Variants in CMIP observed in about 807,000 individuals in gnomAD.
The protein encoded by CMIP is c-Maf inducing protein, also known as C-Maf-inducing protein.
CMIP carries 13 observed loss-of-function variants against 97.3 expected under a neutral mutation model. The ratio of observed to expected loss-of-function variants is 0.13; its 90% confidence interval spans 0.09 to 0.21. CMIP has a LOEUF of 0.21. Among genes scored for constraint, CMIP ranks in the 10% least tolerant of loss-of-function variants. CMIP has a pLI of 1.00. For synonymous variants in CMIP, 538 were observed against 436.3 expected, an observed-to-expected ratio of 1.23 and a Z score of -2.91; for missense variants, 847 against 1,024.9, an observed-to-expected ratio of 0.83 and a Z score of 2.37.
chr16:81,626,754 T>G (rs1463644026), intron 3 of CMIP, among the ~76,000 whole-genome samples: 3 of 139,980 alleles, frequency 2.1e-5, no homozygotes, highest in Non-Finnish European at 4.6e-5. Flanking sequence ...GGTGTGGGTG[T>G]GTGTGTGGTG....
intron 1 of CMIP, among the ~76,000 whole-genome samples, chr16:81,559,999 T>A (rs1357582413): frequency 2.0e-5 from 3 of 151,624 alleles, no homozygotes; most frequent in Non-Finnish European, 4.4e-5. Flanking sequence ...AATACAAAAA[T>A]TAGCGGGGCA....
intron 1 of CMIP, among the ~76,000 whole-genome samples, chr16:81,580,057 C>G (rs1260354327): frequency 2.6e-5 from 4 of 152,222 alleles, no homozygotes; most frequent in African/African-American, 9.6e-5. Context: ...ACGGATATTT[C>G]CAGTAGAATG....
In CMIP at chr16:81,627,415, G is replaced by A. The variant is rs1268879995; in HGVS notation, c.477+6489G>A. On this transcript the variant is annotated intron_variant, in intron 3 of 20. Coordinates refer to ENST00000537098, the MANE Select transcript of CMIP (RefSeq NM_198390.3). This position sits in a 1 kb window ranked among gnomAD's most constrained non-coding sequence, Gnocchi z 4.6. Reference sequence around the variant, plus strand: ...AGAAGGGATCCTGGTAGGAGCCCACGCGTGGGAGCCTCTCATGCGCCATCA... The same window carrying A: ...AGAAGGGATCCTGGTAGGAGCCCACACGTGGGAGCCTCTCATGCGCCATCA... Among the ~76,000 whole-genome samples the A allele has an allele frequency of 6.6e-6, 1 of 152,028 alleles. No homozygotes were observed. Among genetic ancestry groups the A allele is most frequent in the South Asian group, 2.1e-4 (1 of 4,832 alleles).
intron 7 of CMIP, among the ~76,000 whole-genome samples, chr16:81,667,799 A>AGAGAGAGAGAGAGAGAGAGAGAGTGTGT: frequency 1.0e-4 from 6 of 58,136 alleles, no homozygotes; most frequent in Non-Finnish European, 1.9e-4. Flanking sequence ...AGAGAGAGAG[A>AGAGAGAGAGAGAGAGAGAGAGAGTGTGT]GTGTGTGTGT....
At chr16:81,478,342 C>A (rs1233011574) in intron 1 of CMIP, among the ~76,000 whole-genome samples, 2 of 152,188 alleles carry the variant, frequency 1.3e-5, no homozygotes, top group Non-Finnish European at 2.9e-5. Flanking sequence ...GCCGACAGTT[C>A]TGCATGGCGC....
chr16:81,600,403 A>C (rs2091639019), intron 1 of CMIP, among the ~76,000 whole-genome samples: 1 of 152,210 alleles, frequency 6.6e-6, no homozygotes, highest in South Asian at 2.1e-4. Context: ...ATGGAATGTC[A>C]GTCAGCCATG....
chr16:81,678,565 G>T lies in CMIP; in HGVS notation c.1325G>T (p.Ser442Ile). The change falls in exon 10 of 21, where the codon AGC (serine) becomes ATC (isoleucine). Residue 442 changes from serine (S) to isoleucine (I), a missense_variant. By Grantham distance (142) the Ser-to-Ile change is moderately radical (BLOSUM62 -2). Transcript: ENST00000537098. ...LMVSPACSTM[S>I]IELGPQADRT... ...GTCAGCCCCGCCTGCAGCACCATGA[G>T]CATCGAGCTGGGCCCCCAGGCCGAC... 1 of 1,608,220 alleles carries T rather than the reference G, an allele frequency of 6.2e-7. No individual in the cohort carries two copies. The highest frequency in any genetic ancestry group is 8.5e-7 in the Non-Finnish European group (1 of 1,178,164).
At chr16:81,639,453 C>A (rs571834140) in intron 3 of CMIP, among the ~76,000 whole-genome samples, 1 of 152,322 alleles carries the variant, frequency 6.6e-6, no homozygotes, top group East Asian at 1.9e-4. Flanking sequence ...TGCTTTCGGT[C>A]TCTAAGAATT....
At chr16:81,517,977 T>G in intron 1 of CMIP, 1 of 934,734 alleles carries the variant, frequency 1.1e-6, no homozygotes, top group South Asian at 4.9e-5. Flanking sequence ...GTGGAATTTT[T>G]TCACAAAGTA....
intron 1 of CMIP, among the ~76,000 whole-genome samples, chr16:81,575,073 C>T (rs947991786): frequency 2.0e-5 from 3 of 152,196 alleles, no homozygotes; most frequent in East Asian, 3.8e-4. Context: ...AGGAGAGTTG[C>T]CTCGTAATAT....
At chr16:81,494,624 C>T (rs1238329601) in intron 1 of CMIP, among the ~76,000 whole-genome samples, 4 of 152,242 alleles carry the variant, frequency 2.6e-5, no homozygotes, top group South Asian at 4.1e-4. Context: ...GGGGGACCCC[C>T]GGGGCCGCCC....
intron 1 of CMIP, among the ~76,000 whole-genome samples, chr16:81,564,520 G>C (rs891611462): frequency 5.9e-5 from 9 of 152,236 alleles, no homozygotes; most frequent in Non-Finnish European, 8.8e-5. Flanking sequence ...GGGGGAAGAA[G>C]GAAAATAAGA....
rs973741587 is a variant in CMIP, at chr16:81,703,823, C to T, written c.1945-116C>T. 1.1e-5 allele frequency: 15 copies of T among 1,384,828 alleles called. No homozygotes were observed. In the African/African-American group the frequency reaches 1.3e-4, roughly 12 times the overall value. The allele number at this position is 1,384,828 out of a possible 1,614,324, so 85.8% of individuals were successfully genotyped here. Reference sequence around the variant, plus strand: ...ATCTCAGCTCCTGGGATTTACCGCCCCCCAGGAACAGCTCTCTGTAGGGCG... The same window carrying T: ...ATCTCAGCTCCTGGGATTTACCGCCTCCCAGGAACAGCTCTCTGTAGGGCG... On this transcript the variant is annotated intron_variant, in intron 17 of 20. Coordinates refer to ENST00000537098, the MANE Select transcript of CMIP (RefSeq NM_198390.3).
chr16:81,596,506 C>CA (rs1164896590), intron 1 of CMIP, among the ~76,000 whole-genome samples: 31,529 of 88,644 alleles, frequency 0.36, 4,608 homozygotes, highest in African/African-American at 0.47. Flanking sequence ...GGCCCTGTCT[C>CA]AAAAAAAAAA....
In CMIP at chr16:81,523,151, C is replaced by G. The variant is rs188424049; in HGVS notation, c.300+77610C>G. On this transcript the variant is annotated intron_variant, in intron 1 of 20. Coordinates refer to ENST00000537098, the MANE Select transcript of CMIP (RefSeq NM_198390.3). Reference sequence around the variant, plus strand: ...CCCAGACTGGCCTCGAATTCCTGGGCTCAAGTGATCCTCCTGCCTTGGCCT... The same window carrying G: ...CCCAGACTGGCCTCGAATTCCTGGGGTCAAGTGATCCTCCTGCCTTGGCCT... 7.9e-5 allele frequency among the ~76,000 whole-genome samples: 12 copies of G among 152,298 alleles called. No homozygotes were observed. The East Asian group carries it at 2.3e-3, about 29-fold the overall frequency.
rs554731836 is a variant in CMIP, at chr16:81,693,387, C to A, written c.1482-52C>A. ...ACCATCCCCTCCCCTTCCCACACCT[C>A]CCACTCAGTTCCAGACCCCGGCAGT... is the stretch of plus-strand genomic sequence containing the variant. On this transcript the variant is annotated intron_variant, in intron 12 of 20. Transcript: ENST00000537098. 3 of 1,589,928 alleles carry A rather than the reference C, an allele frequency of 1.9e-6. No individual in the cohort carries two copies. The African/African-American group carries it at 4.0e-5, about 21-fold the overall frequency.
intron 1 of CMIP, among the ~76,000 whole-genome samples, chr16:81,540,882 G>T (rs910612170): frequency 2.6e-5 from 4 of 151,482 alleles, no homozygotes; most frequent in African/African-American, 7.3e-5. Flanking sequence ...GGGTTTCACC[G>T]TGTTAGCCAG....
chr16:81,647,520 G>A (rs968078583), intron 3 of CMIP, among the ~76,000 whole-genome samples: 11 of 152,124 alleles, frequency 7.2e-5, no homozygotes, highest in Admixed American at 1.3e-4. Flanking sequence ...CCACAGAACA[G>A]TTCCAAGGCC....
chr16:81,691,884 A>C (rs1224830147), intron 11 of CMIP, 44 bp downstream of exon 11: 1 of 1,535,856 alleles, frequency 6.5e-7, no homozygotes, highest in Admixed American at 1.7e-5. Flanking sequence ...CCTGTGAGAC[A>C]AACCTCAGTT....
Sources: gnomAD v4.1 joint callset for allele counts (sites outside exome capture counted in the v4.1 genomes callset) on GRCh38, gnomAD v4.1.1 for gene constraint, Gnocchi (gnomAD v3.1) non-coding constraint, MANE v1.5 for transcripts, NCBI Gene and HGNC (gene_info 2026-07-23, HGNC 2026-07-21) for gene names.